The following CDK14 variants were observed in gnomAD, a reference collection of about 807,000 sequenced individuals.
CDK14 encodes cyclin dependent kinase 14, also known as cyclin-dependent kinase 14.
A neutral mutation model predicts 60.7 loss-of-function variants in CDK14; 34 were observed. The ratio of observed to expected loss-of-function variants is 0.56; its 90% confidence interval spans 0.43 to 0.75. The LOEUF is 0.75. Ranked by LOEUF, CDK14 falls within the 30% of genes least tolerant of loss-of-function variation. The pLI is 0.00. For synonymous variants in CDK14, 197 were observed against 203.7 expected (o/e 0.97, Z 0.28); for missense variants, 482 against 564.1 (o/e 0.85, Z 1.47).
chr7:90,613,346 G>A (rs1311952403), intron 2 of CDK14, among the ~76,000 whole-genome samples: 1 of 152,204 alleles, frequency 6.6e-6, no homozygotes, highest in Non-Finnish European at 1.5e-5. Context: ...GGAAGTCTCT[G>A]CTGTAAGGGT....
intron 8 of CDK14, among the ~76,000 whole-genome samples, chr7:90,938,152 C>T (rs920480917): frequency 6.6e-6 from 1 of 152,238 alleles, no homozygotes; most frequent in Non-Finnish European, 1.5e-5. Context: ...TGACTTCTGT[C>T]ACCCTGTATT....
intron 2 of CDK14, among the ~76,000 whole-genome samples, chr7:90,640,557 A>G (rs1218797636): frequency 6.6e-6 from 1 of 152,140 alleles, no homozygotes; most frequent in African/African-American, 2.4e-5. Context: ...GAAAGCATAC[A>G]ATGTAAATTT....
intron 5 of CDK14, among the ~76,000 whole-genome samples, chr7:90,860,219 A>AT (rs11299670): frequency 2.4e-4 from 37 of 151,466 alleles, no homozygotes; most frequent in African/African-American, 8.0e-4. Flanking sequence ...GCATTGTACA[A>AT]TTTTTTTTTA....
intron 3 of CDK14, 96 bp from the exon 4 acceptor site, chr7:90,747,585 G>C (rs995205470): frequency 2.9e-6 from 2 of 689,622 alleles, no homozygotes; most frequent in African/African-American, 1.9e-5. Flanking sequence ...TATTTAAAAA[G>C]TGACAGAGAA....
intron 2 of CDK14, among the ~76,000 whole-genome samples, chr7:90,635,697 G>A (rs1254980849): frequency 6.6e-6 from 1 of 151,996 alleles, no homozygotes; most frequent in Non-Finnish European, 1.5e-5. Context: ...TGATGGGGAT[G>A]GCATTGAATC....
At chr7:91,066,726 T>G (rs1722153952) in intron 11 of CDK14, among the ~76,000 whole-genome samples, 1 of 152,240 alleles carries the variant, frequency 6.6e-6, no homozygotes, top group Non-Finnish European at 1.5e-5. Context: ...GTTGTTTTCC[T>G]GTGGAATGTC....
At chr7:91,136,629 T>C (rs1800288144) in intron 14 of CDK14, among the ~76,000 whole-genome samples, 1 of 152,180 alleles carries the variant, frequency 6.6e-6, no homozygotes, top group African/African-American at 2.4e-5. Context: ...GGATATACAA[T>C]AAAACTTGAC....
chr7:91,136,029 G>A (rs1229851331), intron 14 of CDK14, among the ~76,000 whole-genome samples: 2 of 151,966 alleles, frequency 1.3e-5, no homozygotes, highest in Non-Finnish European at 2.9e-5. Context: ...AAAAAATGAG[G>A]CAGATAAAAA....
intron 6 of CDK14, among the ~76,000 whole-genome samples, chr7:90,877,596 C>G (rs1562809134): frequency 6.6e-6 from 1 of 152,058 alleles, no homozygotes; most frequent in Non-Finnish European, 1.5e-5. Context: ...ATGTTTCTCC[C>G]CCTTCTATTT....
intron 14 of CDK14, among the ~76,000 whole-genome samples, chr7:91,165,423 A>T (rs1801315130): frequency 6.6e-6 from 1 of 152,178 alleles, no homozygotes; most frequent in Admixed American, 6.5e-5. Flanking sequence ...GTCACTAACT[A>T]GCTGTGGCCT....
intron 2 of CDK14, among the ~76,000 whole-genome samples, chr7:90,609,441 A>T (rs1430158365): frequency 6.6e-6 from 1 of 151,934 alleles, no homozygotes; most frequent in Non-Finnish European, 1.5e-5. Flanking sequence ...GTGGGGGTGG[A>T]TCCTTCTTGA....
intron 4 of CDK14, among the ~76,000 whole-genome samples, chr7:90,751,188 T>C (rs897766139): frequency 9.2e-5 from 14 of 151,916 alleles, no homozygotes; most frequent in Admixed American, 6.6e-4. Flanking sequence ...GGAGAACATC[T>C]GGGAGATACT....
intron 11 of CDK14, among the ~76,000 whole-genome samples, chr7:91,078,484 G>A (rs1019737894): frequency 2.6e-5 from 4 of 152,128 alleles, no homozygotes; most frequent in Non-Finnish European, 5.9e-5. Context: ...GCACATGCCT[G>A]TAATTCCAGC....
At chr7:90,954,125 T>G (rs1460571138) in intron 8 of CDK14, among the ~76,000 whole-genome samples, 1 of 152,178 alleles carries the variant, frequency 6.6e-6, no homozygotes, top group Non-Finnish European at 1.5e-5. Context: ...TAGTATACCA[T>G]TGCATTATTA....
intron 4 of CDK14, among the ~76,000 whole-genome samples, chr7:90,775,375 A>C (rs563874635): frequency 1.3e-5 from 2 of 152,324 alleles, no homozygotes; most frequent in South Asian, 4.1e-4. Context: ...TAAGTAATCA[A>C]AGATTGAGGA....
At chr7:90,684,379 A>T (rs1801386726) in intron 2 of CDK14, among the ~76,000 whole-genome samples, 2 of 152,206 alleles carry the variant, frequency 1.3e-5, no homozygotes, top group African/African-American at 4.8e-5. Flanking sequence ...CATATCCATC[A>T]CTTAGCAGTT....
chr7:90,760,833 C>T (rs1804285334), intron 4 of CDK14, among the ~76,000 whole-genome samples: 2 of 152,200 alleles, frequency 1.3e-5, no homozygotes, highest in Non-Finnish European at 2.9e-5. Context: ...ATCTGTGTTC[C>T]TTCAGATCTG....
chr7:91,000,542 A>T (rs2115747821), intron 10 of CDK14, among the ~76,000 whole-genome samples: 1 of 152,362 alleles, frequency 6.6e-6, no homozygotes, highest in Middle Eastern at 3.4e-3. Context: ...TCGTGTTAGT[A>T]TAAGTAGTTT....
intron 14 of CDK14, among the ~76,000 whole-genome samples, chr7:91,194,357 TCACA>T (rs1182139902): frequency 2.6e-5 from 4 of 152,154 alleles, no homozygotes; most frequent in African/African-American, 9.6e-5. Context: ...GCGTGACATC[TCACA>T]CAGAACAACT....
Sources: allele counts gnomAD v4.1 joint callset (sites outside exome capture counted in the v4.1 genomes callset), GRCh38; gene constraint gnomAD v4.1.1; transcripts MANE v1.5; gene names NCBI Gene and HGNC (gene_info 2026-07-23, HGNC 2026-07-21).